Variants in NOVA1 observed in about 807,000 individuals in gnomAD.
NOVA1 encodes RNA-binding protein Nova-1.
NOVA1 carries 7 observed loss-of-function variants against 38.0 expected under a neutral mutation model. That is an observed-to-expected ratio of 0.18 (90% CI 0.10 to 0.35). The LOEUF is 0.35. Among genes scored for constraint, NOVA1 ranks in the 10% least tolerant of loss-of-function variants. NOVA1 has a pLI of 1.00. For synonymous variants in NOVA1, 270 were observed against 232.5 expected, an observed-to-expected ratio of 1.16 and a Z score of -1.47; for missense variants, 460 against 616.0, an observed-to-expected ratio of 0.75 and a Z score of 2.68.
intron 2 of NOVA1, among the ~76,000 whole-genome samples, chr14:26,499,211 C>T (rs1017744377): frequency 2.0e-5 from 3 of 152,040 alleles, no homozygotes; most frequent in Admixed American, 6.6e-5. Flanking sequence ...TGAGAAATGA[C>T]AGATATGTTA....
At chr14:26,554,854 G>A (rs544421087) in intron 2 of NOVA1, among the ~76,000 whole-genome samples, 1 of 152,154 alleles carries the variant, frequency 6.6e-6, no homozygotes, top group African/African-American at 2.4e-5. Flanking sequence ...ACCTAACTAT[G>A]GCTATTTTGT....
At chr14:26,514,381 T>A (rs79385356) in intron 2 of NOVA1, among the ~76,000 whole-genome samples, 1,548 of 151,890 alleles carry the variant, frequency 0.01, 24 homozygotes, top group African/African-American at 0.035. Flanking sequence ...TCTCACAGAA[T>A]ACCAAATATT....
Position 26,549,184 on chromosome 14 carries a change from G to T in NOVA1, c.280+46226C>A, listed in dbSNP as rs143620719. Among the ~76,000 whole-genome samples, 500 of 151,926 alleles carry T rather than the reference G, an allele frequency of 3.3e-3. 4 individuals are homozygous for T. The highest frequency in any genetic ancestry group is 0.012 in the African/African-American group (485 of 41,454). On this transcript the variant is annotated intron_variant, in intron 2 of 4. Coordinates refer to ENST00000539517, the MANE Select transcript of NOVA1 (RefSeq NM_002515.3). Reference sequence around the variant, plus strand: ...AAAAATTAAAAATAAAAATAAAAAAGAAGTCAAAATTGGTGTTTCTAATCC... The same window carrying T: ...AAAAATTAAAAATAAAAATAAAAAATAAGTCAAAATTGGTGTTTCTAATCC...
intron 2 of NOVA1, among the ~76,000 whole-genome samples, chr14:26,587,299 T>G (rs1480683057): frequency 1.7e-5 from 1 of 60,326 alleles, no homozygotes; most frequent in South Asian, 8.7e-4. Context: ...AACAGGGATC[T>G]AAAATATATA....
chr14:26,518,389 C>G (rs1413183116), intron 2 of NOVA1, among the ~76,000 whole-genome samples: 4 of 151,744 alleles, frequency 2.6e-5, no homozygotes, highest in African/African-American at 9.7e-5. Context: ...TAAATTAGAC[C>G]AAAGATATTA....
At position 26,595,766 on chromosome 14, in the gene NOVA1, C is replaced by T. The variant is rs1288066463; in HGVS notation, c.137-213G>A. 18 of 485,714 alleles carry T rather than the reference C, an allele frequency of 3.7e-5. No homozygotes were observed. The South Asian group carries it at 4.9e-4, about 13-fold the overall frequency. The allele number at this position is 485,714 out of a possible 1,614,324, so 30.1% of individuals were successfully genotyped here. ...TCCCATTTTATAGGATTTATACTTT[C>T]AAGCTTGGAATTAAAATATAAACAT... is the stretch of plus-strand genomic sequence containing the variant. On this transcript the variant is annotated intron_variant, in intron 1 of 4. Coordinates refer to ENST00000539517, the MANE Select transcript of NOVA1 (RefSeq NM_002515.3).
chr14:26,582,561 T>C (rs751889731), intron 2 of NOVA1, among the ~76,000 whole-genome samples: 4 of 151,796 alleles, frequency 2.6e-5, no homozygotes, highest in Admixed American at 6.6e-5. Flanking sequence ...TTCTCAATTA[T>C]GTACTTTACT....
chr14:26,508,420 A>G (rs1887805635), intron 2 of NOVA1, among the ~76,000 whole-genome samples: 2 of 152,090 alleles, frequency 1.3e-5, no homozygotes, highest in African/African-American at 4.8e-5. Context: ...TTCTATAAAT[A>G]TTCATGATAT....
chr14:26,487,689 A>G (rs188769714), intron 2 of NOVA1, among the ~76,000 whole-genome samples: 5 of 152,272 alleles, frequency 3.3e-5, no homozygotes, highest in African/African-American at 7.2e-5. Context: ...AAAATCGCAT[A>G]TGTTTCAGTT....
intron 2 of NOVA1, among the ~76,000 whole-genome samples, chr14:26,584,463 A>T (rs866044221): frequency 1.3e-5 from 2 of 151,560 alleles, no homozygotes; most frequent in Admixed American, 6.6e-5. Flanking sequence ...ATGTAGATTT[A>T]AAAAATATTC....
intron 2 of NOVA1, among the ~76,000 whole-genome samples, chr14:26,542,023 A>G (rs922600456): frequency 1.2e-4 from 18 of 152,062 alleles, no homozygotes; most frequent in South Asian, 2.1e-4. Flanking sequence ...TCCTAAGCCA[A>G]TAAGTGCTAA....
At chr14:26,522,407 T>C (rs73601910) in intron 2 of NOVA1, among the ~76,000 whole-genome samples, 1 of 152,230 alleles carries the variant, frequency 6.6e-6, no homozygotes, top group East Asian at 1.9e-4. Flanking sequence ...CAACAGGAAG[T>C]GTAACCTGTG....
chr14:26,465,704 AAG>A (rs202213778), intron 4 of NOVA1, among the ~76,000 whole-genome samples: 4 of 151,604 alleles, frequency 2.6e-5, no homozygotes, highest in African/African-American at 4.8e-5. Context: ...TGTAAAAAAA[AAG>A]AATTTTAGAG....
intron 2 of NOVA1, among the ~76,000 whole-genome samples, chr14:26,592,032 C>A (rs970837619): frequency 6.6e-6 from 1 of 151,026 alleles, no homozygotes; most frequent in Admixed American, 6.6e-5. Context: ...GTAACGAATA[C>A]CATATAATAG....
intron 3 of NOVA1, among the ~76,000 whole-genome samples, chr14:26,472,885 C>T (rs1460566282): frequency 6.6e-6 from 1 of 151,924 alleles, no homozygotes; most frequent in Non-Finnish European, 1.5e-5. Context: ...CAAGTTGATT[C>T]CACATGAATT....
chr14:26,543,926 A>G (rs1439260102), intron 2 of NOVA1, among the ~76,000 whole-genome samples: 1 of 151,478 alleles, frequency 6.6e-6, no homozygotes, highest in African/African-American at 2.4e-5. Flanking sequence ...TACTGAGGGA[A>G]GGCAGCTTAT....
In NOVA1 at chr14:26,530,109, C is replaced by T. The variant is rs943339356; in HGVS notation, c.281-49966G>A. The stretch of plus-strand genomic sequence containing the variant: ...TAATTTTTTGTATTTTTAGCAGAGA[C>T]GGGGTTTCACATGTTAGCCAGGATG... On this transcript the variant is annotated intron_variant, in intron 2 of 4. Coordinates refer to ENST00000539517, the MANE Select transcript of NOVA1 (RefSeq NM_002515.3). Among the ~76,000 whole-genome samples, 7 of 152,108 alleles carry T rather than the reference C, an allele frequency of 4.6e-5. 1 individual carries two copies. The highest frequency in any genetic ancestry group is 4.8e-5 in the African/African-American group (2 of 41,420).
intron 4 of NOVA1, among the ~76,000 whole-genome samples, chr14:26,460,201 T>A (rs1163333314): frequency 2.0e-5 from 3 of 152,076 alleles, no homozygotes; most frequent in Non-Finnish European, 4.4e-5. Context: ...AGTATCTTAC[T>A]AGTAATGGGA....
chr14:26,485,393 G>T (rs1352499794), intron 2 of NOVA1, among the ~76,000 whole-genome samples: 3 of 151,896 alleles, frequency 2.0e-5, no homozygotes, highest in Non-Finnish European at 4.4e-5. Flanking sequence ...ACTATAATAA[G>T]TTATAATTTA....
Sources: gnomAD v4.1 joint callset for allele counts (sites outside exome capture counted in the v4.1 genomes callset) on GRCh38, gnomAD v4.1.1 for gene constraint, MANE v1.5 for transcripts, NCBI Gene and HGNC (gene_info 2026-07-23, HGNC 2026-07-21) for gene names.